Variants in FAM227A observed in about 807,000 individuals in gnomAD.
FAM227A encodes family with sequence similarity 227 member A.
FAM227A carries 80 observed loss-of-function variants against 74.7 expected under a neutral mutation model. That is an observed-to-expected ratio of 1.07 (90% CI 0.89 to 1.29). The LOEUF (loss-of-function observed/expected upper bound fraction) is 1.29, where lower values mean the gene tolerates loss of function less well. FAM227A is among the 50% of genes most tolerant of loss of function. FAM227A has a pLI of 0.00. For missense variants in FAM227A, 654 were observed against 683.4 expected, an observed-to-expected ratio of 0.96 and a Z score of 0.48; for synonymous variants, 237 against 241.8, an observed-to-expected ratio of 0.98 and a Z score of 0.19.
At chr22:38,628,734 T>G in intron 7 of FAM227A, 100 bp downstream of exon 7, 1 of 760,894 alleles carries the variant, frequency 1.3e-6, no homozygotes, top group Non-Finnish European at 2.2e-6. Context: ...GGGTGCTCCA[T>G]GGGATCAGAG....
At chr22:38,602,948 A>G (rs1215101401) in intron 13 of FAM227A, among the ~76,000 whole-genome samples, 2 of 152,070 alleles carry the variant, frequency 1.3e-5, no homozygotes, top group African/African-American at 4.8e-5. Context: ...ATCTCTGCTC[A>G]CTGCAACCTC....
intron 11 of FAM227A, among the ~76,000 whole-genome samples, chr22:38,616,557 T>C (rs901308550): frequency 6.6e-6 from 1 of 151,656 alleles, no homozygotes; most frequent in Non-Finnish European, 1.5e-5. Context: ...TCCCACCTAC[T>C]CGGGAGGCTG....
chr22:38,598,478 T>C (rs2091098521), intron 14 of FAM227A, among the ~76,000 whole-genome samples: 1 of 152,162 alleles, frequency 6.6e-6, no homozygotes, highest in Non-Finnish European at 1.5e-5. Flanking sequence ...AACAATGAAG[T>C]GATGTTTGGG....
At chr22:38,594,836 C>T (rs952426576) in intron 15 of FAM227A, among the ~76,000 whole-genome samples, 7 of 151,776 alleles carry the variant, frequency 4.6e-5, no homozygotes, top group African/African-American at 1.5e-4. Context: ...TGGTGGCTAA[C>T]GCCTGTAATC....
In FAM227A at chr22:38,605,314, A is replaced by G; in HGVS notation, c.1161T>C (p.Pro387=). The change falls in exon 13 of 17, where the codon CCT becomes CCC. Residue 387 remains proline, a synonymous_variant. Transcript: ENST00000535113. ...HHCQTLVLKK[P]TQEVKRISEA... is the part of the protein sequence containing the mutation. ...CTGATATCCTCTTGACTTCTTGCGT[A>G]GGTTTCTTCAAGACCAGGGTCTGAC... The G allele has an allele frequency of 6.4e-7, 1 of 1,550,916 alleles. No homozygotes were observed. The highest frequency in any genetic ancestry group is 8.7e-7 in the Non-Finnish European group (1 of 1,145,938).
chr22:38,580,015 G>C lies in FAM227A; in HGVS notation c.*6110C>G, dbSNP rs551530271. On this transcript the variant is annotated 3_prime_UTR_variant, in exon 17 of 17. Transcript: ENST00000535113. ...AGCTCACTGCACCCTCCAACTCCCA[G>C]GCTTAAGCAATTCTCCCACGTCAGC... The C allele has an allele frequency of 1.3e-5, 2 of 152,060 alleles. No homozygotes were observed. The highest frequency in any genetic ancestry group is 1.3e-4 in the Admixed American group (2 of 15,274). 9.4% of individuals were successfully genotyped at this position (152,060 alleles called of 1,614,324 possible).
At chr22:38,622,329 T>C (rs6001175) in intron 10 of FAM227A, among the ~76,000 whole-genome samples, 53,508 of 152,046 alleles carry the variant, frequency 0.35, 9,766 homozygotes, top group East Asian at 0.47. Context: ...AATTCCTTCC[T>C]GGAAAAAGCC....
Position 38,626,891 on chromosome 22 carries a change from A to AAAAAAATAT in FAM227A, c.727-589_727-588insATATTTTTT, listed in dbSNP as rs1555966996. On this transcript the variant is annotated intron_variant, in intron 8 of 16. Coordinates refer to ENST00000535113, the MANE Select transcript of FAM227A (RefSeq NM_001013647.2). ...AAAAAAAAAAAAAAAAAAAAAAAAAAATATATATATATATATATATATACA... is the reference window on the plus strand; with the variant it reads ...AAAAAAAAAAAAAAAAAAAAAAAAAAAAAAAATATATATATATATATATATATATATACA... Among the ~76,000 whole-genome samples the AAAAAAATAT allele has an allele frequency of 3.1e-4, 18 of 57,686 alleles. 1 individual carries two copies. Among genetic ancestry groups the AAAAAAATAT allele is most frequent in the African/African-American group, 1.5e-3 (17 of 11,436 alleles). The allele number at this position is 57,686 out of a possible 152,430, so 37.8% of individuals were successfully genotyped here. A position where few individuals can be genotyped will look rare whatever the true frequency, so the allele number is the denominator to read the frequency against.
chr22:38,585,967 C>G lies in FAM227A; in HGVS notation c.*158G>C. 1.3e-6 allele frequency: 2 copies of G among 1,491,884 alleles called. No individual in the cohort carries two copies. Among genetic ancestry groups the G allele is most frequent in the Non-Finnish European group, 1.8e-6 (2 of 1,117,416 alleles). The allele number at this position is 1,491,884 out of a possible 1,614,324, so 92.4% of individuals were successfully genotyped here. A position where few individuals can be genotyped will look rare whatever the true frequency, so the allele number is the denominator to read the frequency against. Reference sequence around the variant, plus strand: ...TCTCTACTCCTGCTTTTCACTCAGCCTAGGAAAAACTACAACGGAATCCTT... The same window carrying G: ...TCTCTACTCCTGCTTTTCACTCAGCGTAGGAAAAACTACAACGGAATCCTT... On this transcript the variant is annotated 3_prime_UTR_variant, in exon 17 of 17. Coordinates refer to ENST00000535113, the MANE Select transcript of FAM227A (RefSeq NM_001013647.2).
At chr22:38,634,354 T>C (rs994876234) in intron 6 of FAM227A, among the ~76,000 whole-genome samples, 6 of 152,140 alleles carry the variant, frequency 3.9e-5, no homozygotes, top group Non-Finnish European at 7.3e-5. Flanking sequence ...CATTTTATCA[T>C]GGCTACACAG....
intron 2 of FAM227A, among the ~76,000 whole-genome samples, chr22:38,646,894 T>TA (rs961684378): frequency 6.6e-6 from 1 of 152,064 alleles, no homozygotes; most frequent in African/African-American, 2.4e-5. Context: ...CTCACTCCTG[T>TA]AATCCCAGCA....
chr22:38,595,041 T>C (rs1265960395), intron 15 of FAM227A, among the ~76,000 whole-genome samples: 1 of 152,134 alleles, frequency 6.6e-6, no homozygotes, highest in African/African-American at 2.4e-5. Context: ...GAGGTTGCAG[T>C]GAGCCGAGAT....
intron 6 of FAM227A, among the ~76,000 whole-genome samples, chr22:38,629,192 C>T (rs541089697): frequency 6.6e-6 from 1 of 152,294 alleles, no homozygotes; most frequent in South Asian, 2.1e-4. Flanking sequence ...AGACTCTGGA[C>T]AGCTGCTCCA....
In FAM227A at chr22:38,626,186, T is replaced by C. The variant is rs1271908502; in HGVS notation, c.844A>G (p.Ile282Val). The change falls in exon 9 of 17, where the codon ATT becomes GTT. Residue 282 changes from isoleucine to valine, a missense_variant. Physicochemically the swap from Ile to Val is conservative, Grantham distance 29. Coordinates refer to ENST00000535113, the MANE Select transcript of FAM227A (RefSeq NM_001013647.2). ...SDICNTMSLW[I>V]SGTYPSPQSY... ...GAAAAAAGTCACCTCTCACCTGAAA[T>C]CCACAGGCTCATTGTGTTACAGATG... is the stretch of plus-strand genomic sequence containing the variant. 7.1e-6 allele frequency: 11 copies of C among 1,551,116 alleles called. No homozygotes were observed. Among genetic ancestry groups the C allele is most frequent in the African/African-American group, 1.4e-5 (1 of 73,108 alleles).
chr22:38,634,274 T>TA (rs2091964382), intron 6 of FAM227A, among the ~76,000 whole-genome samples: 1 of 148,204 alleles, frequency 6.7e-6, no homozygotes, highest in Non-Finnish European at 1.5e-5. Flanking sequence ...TCCATACTGA[T>TA]ACTTTTCATT....
intron 6 of FAM227A, among the ~76,000 whole-genome samples, chr22:38,630,993 C>A (rs2091904875): frequency 6.6e-6 from 1 of 152,122 alleles, no homozygotes. Context: ...CGTGGTGAAA[C>A]CCTGTCTCTA....
intron 2 of FAM227A, among the ~76,000 whole-genome samples, chr22:38,646,655 T>A (rs1437144512): frequency 6.6e-6 from 1 of 151,556 alleles, no homozygotes; most frequent in East Asian, 1.9e-4. Flanking sequence ...ATTATTATTA[T>A]TATTTTTTTT....
chr22:38,641,254 G>A (rs2092107841), intron 3 of FAM227A, among the ~76,000 whole-genome samples: 1 of 152,084 alleles, frequency 6.6e-6, no homozygotes, highest in Non-Finnish European at 1.5e-5. Context: ...CTCCAGGAAG[G>A]CAACTCCCAA....
chr22:38,626,865 C>CAAAAAAAAAAA lies in FAM227A; in HGVS notation c.727-573_727-563dup, dbSNP rs67498232. On this transcript the variant is annotated intron_variant, in intron 8 of 16. Coordinates refer to ENST00000535113, the MANE Select transcript of FAM227A (RefSeq NM_001013647.2). The stretch of plus-strand genomic sequence containing the variant: ...CCTGGGCGACAGAGAGACTCTGTCT[C>CAAAAAAAAAAA]AAAAAAAAAAAAAAAAAAAAAAAAA... Among the ~76,000 whole-genome samples the CAAAAAAAAAAA allele has an allele frequency of 6.5e-4, 11 of 16,800 alleles. 4 individuals are homozygous for CAAAAAAAAAAA. The highest frequency in any genetic ancestry group is 2.4e-3 in the Admixed American group (2 of 832). The allele number at this position is 16,800 out of a possible 152,430, so 11.0% of individuals were successfully genotyped here.
Sources: allele counts gnomAD v4.1 joint callset (sites outside exome capture counted in the v4.1 genomes callset), GRCh38; gene constraint gnomAD v4.1.1; transcripts MANE v1.5; gene names NCBI Gene and HGNC (gene_info 2026-07-23, HGNC 2026-07-21).